The following SV2C variants were observed in gnomAD, a reference collection of about 807,000 sequenced individuals.
SV2C encodes the protein solute carrier family 22 member B3.
In SV2C, 49 loss-of-function variants were observed where a neutral mutation model predicts 79.7. The ratio of observed to expected loss-of-function variants is 0.61; its 90% confidence interval spans 0.49 to 0.78. The LOEUF is 0.78. SV2C is among the 30% of genes least tolerant of loss of function. SV2C has a pLI of 0.00. For synonymous variants in SV2C, 334 were observed against 333.2 expected (o/e 1.00, Z -0.03); for missense variants, 833 against 912.9 (o/e 0.91, Z 1.13).
chr5:76,042,331 A>G, the SV2C span, among the ~76,000 whole-genome samples: 1 of 152,182 alleles, frequency 6.6e-6, no homozygotes, highest in Non-Finnish European at 1.5e-5. Flanking sequence ...AAACTTCCTA[A>G]GCTTCCATTT....
chr5:76,281,001 G>T, intron 4 of SV2C: 1 of 539,476 alleles, frequency 1.9e-6, no homozygotes. Context: ...GCACAGGGAG[G>T]CAGAAATGAG....
chr5:76,109,061 A>C (rs1748016366), intron 1 of SV2C, among the ~76,000 whole-genome samples: 1 of 152,192 alleles, frequency 6.6e-6, no homozygotes, highest in African/African-American at 2.4e-5. Flanking sequence ...AAACACTTGG[A>C]GGAGGAGATT....
chr5:76,119,817 AT>A (rs1050397215), intron 1 of SV2C, among the ~76,000 whole-genome samples: 1 of 152,160 alleles, frequency 6.6e-6, no homozygotes, highest in African/African-American at 2.4e-5. Flanking sequence ...GCTGTTCTGA[AT>A]TTTTTGGTCT....
At chr5:76,344,110 T>C (rs1749493466) in intron 12 of SV2C, among the ~76,000 whole-genome samples, 1 of 152,214 alleles carries the variant, frequency 6.6e-6, no homozygotes, top group East Asian at 1.9e-4. Flanking sequence ...CCATCTTCTT[T>C]CTAGCATTCA....
At chr5:76,262,025 G>A (rs1303253032) in intron 4 of SV2C, among the ~76,000 whole-genome samples, 1 of 152,180 alleles carries the variant, frequency 6.6e-6, no homozygotes, top group Non-Finnish European at 1.5e-5. Flanking sequence ...AATGGTACCA[G>A]CTCCTCTTTG....
intron 1 of SV2C, among the ~76,000 whole-genome samples, chr5:76,129,607 C>T (rs774982293): frequency 3.4e-4 from 52 of 152,192 alleles, no homozygotes; most frequent in Admixed American, 1.4e-3. Context: ...TTGCCTCTTA[C>T]AGAGGTGGCT....
At chr5:76,118,423 C>T (rs1748353407) in intron 1 of SV2C, among the ~76,000 whole-genome samples, 1 of 152,114 alleles carries the variant, frequency 6.6e-6, no homozygotes, top group Admixed American at 6.6e-5. Flanking sequence ...GTTAGGGTAT[C>T]CTTCTGGAGG....
At chr5:76,188,070 G>A (rs1219604084) in intron 2 of SV2C, among the ~76,000 whole-genome samples, 1 of 152,032 alleles carries the variant, frequency 6.6e-6, no homozygotes, top group Non-Finnish European at 1.5e-5. Flanking sequence ...ACCAGGCCTG[G>A]GCAATATGGT....
chr5:76,014,595 A>G, the SV2C span, among the ~76,000 whole-genome samples: 1 of 152,194 alleles, frequency 6.6e-6, no homozygotes. Flanking sequence ...ACAGGCACAC[A>G]CAGGTTCTCC....
At chr5:76,125,964 G>A (rs991119131) in intron 1 of SV2C, among the ~76,000 whole-genome samples, 6 of 152,168 alleles carry the variant, frequency 3.9e-5, no homozygotes, top group Non-Finnish European at 1.5e-5. Flanking sequence ...GGCTGAGGTG[G>A]GAGGGTCGCT....
the SV2C span, among the ~76,000 whole-genome samples, chr5:75,924,279 G>T: frequency 6.6e-6 from 1 of 151,920 alleles, no homozygotes; most frequent in Admixed American, 6.6e-5. Context: ...GGGGATGAGG[G>T]ATAAAATATT....
rs756602317 is a variant in SV2C at position 76,257,571 on chromosome 5, G to A, written c.914-27591G>A. Among the ~76,000 whole-genome samples, 16 of 151,168 alleles carry A rather than the reference G, an allele frequency of 1.1e-4. 1 individual carries two copies. The South Asian group carries it at 2.1e-3, about 20-fold the overall frequency. On this transcript the variant is annotated intron_variant, in intron 4 of 12. Coordinates refer to ENST00000502798, the MANE Select transcript of SV2C (RefSeq NM_014979.4). ...TCTGTGGTTTGTGTATGTGTGGGGG[G>A]ACATGGATATGTGTGGTATGGGGTG...
chr5:76,007,961 C>G, the SV2C span, among the ~76,000 whole-genome samples: 2 of 152,114 alleles, frequency 1.3e-5, no homozygotes, highest in Non-Finnish European at 2.9e-5. Flanking sequence ...GGATCCTTGC[C>G]TGGGTCAAGG....
At chr5:75,954,709 A>C in the SV2C span, among the ~76,000 whole-genome samples, 1 of 150,436 alleles carries the variant, frequency 6.6e-6, no homozygotes, top group African/African-American at 2.5e-5. Context: ...CAGGATATAA[A>C]ATCAATGTAC....
chr5:76,030,289 T>TTTTTTTTTTTTTTTTATTTA, the SV2C span, among the ~76,000 whole-genome samples: 10 of 117,910 alleles, frequency 8.5e-5, no homozygotes, highest in African/African-American at 3.5e-4. Context: ...TTTTTTTTTT[T>TTTTTTTTTTTTTTTTATTTA]TTTATTTATT....
chr5:76,209,969 G>T, intron 4 of SV2C, 82 bp downstream of exon 4: 1 of 1,464,268 alleles, frequency 6.8e-7, no homozygotes. Context: ...TCTCTTCTAA[G>T]GGCCACTTTG....
chr5:76,013,919 GA>G, the SV2C span, among the ~76,000 whole-genome samples: 1 of 152,056 alleles, frequency 6.6e-6, no homozygotes, highest in South Asian at 2.1e-4. Context: ...TGTATTCCTG[GA>G]AAATTTAATA....
intron 1 of SV2C, among the ~76,000 whole-genome samples, chr5:76,129,259 C>A (rs1748804303): frequency 6.6e-6 from 1 of 152,164 alleles, no homozygotes; most frequent in Non-Finnish European, 1.5e-5. Flanking sequence ...AATAAGTATT[C>A]ATATTTCTTG....
At chr5:75,905,112 C>G in the SV2C span, among the ~76,000 whole-genome samples, 1 of 152,180 alleles carries the variant, frequency 6.6e-6, no homozygotes, top group Non-Finnish European at 1.5e-5. Context: ...ATATTATGAT[C>G]ATGAAGTCAT....
Sources: allele counts gnomAD v4.1 joint callset (sites outside exome capture counted in the v4.1 genomes callset), GRCh38; gene constraint gnomAD v4.1.1; transcripts MANE v1.5; gene names NCBI Gene and HGNC (gene_info 2026-07-23, HGNC 2026-07-21).